PLEKHG1: variants seen among roughly 807,000 people sequenced by gnomAD.
PLEKHG1 encodes pleckstrin homology domain-containing family G member 1.
A neutral mutation model predicts 100.8 loss-of-function variants in PLEKHG1; 44 were observed. That is an observed-to-expected ratio of 0.44 (90% CI 0.34 to 0.56). PLEKHG1 has a LOEUF of 0.56. Ranked by LOEUF, PLEKHG1 falls within the 20% of genes least tolerant of loss-of-function variation. The probability of loss-of-function intolerance (pLI) is 0.01; values close to 1 mark genes in which losing one functional copy is unlikely to be tolerated. For synonymous variants in PLEKHG1, 640 were observed against 662.5 expected (o/e 0.97, Z 0.52); for missense variants, 1,545 against 1,720.9 (o/e 0.90, Z 1.81).
chr6:150,763,024 CTTTTTTTTT>C (rs60462437), intron 2 of PLEKHG1, among the ~76,000 whole-genome samples: 1 of 76,530 alleles, frequency 1.3e-5, no homozygotes, highest in Admixed American at 2.0e-4. Flanking sequence ...GATAAAGCTT[CTTTTTTTTT>C]TTTTTTTTTT....
exon 16 of PLEKHG1, chr6:150,840,905 A>G: frequency 6.3e-7 from 1 of 1,576,310 alleles, no homozygotes. Context: ...AAGGTTCTTC[A>G]TAATAACTGC....
chr6:150,681,992 A>G (rs1170183604), intron 3 of PLEKHG1, among the ~76,000 whole-genome samples: 4 of 152,194 alleles, frequency 2.6e-5, no homozygotes, highest in East Asian at 3.8e-4. Flanking sequence ...TAAAAAGCCT[A>G]TTAACACAAA....
At chr6:150,765,726 A>C (rs1784425171) in intron 2 of PLEKHG1, among the ~76,000 whole-genome samples, 1 of 152,162 alleles carries the variant, frequency 6.6e-6, no homozygotes, top group Admixed American at 6.6e-5. Context: ...CTTTCCATCT[A>C]TCACACACCG....
chr6:150,699,194 C>T (rs9478784), intron 3 of PLEKHG1, among the ~76,000 whole-genome samples: 12,895 of 152,140 alleles, frequency 0.085, 573 homozygotes, highest in South Asian at 0.17. Context: ...GCCCTTTGTA[C>T]GTTTTTGGTT....
At chr6:150,632,650 C>CA (rs1189601635) in intron 1 of PLEKHG1, among the ~76,000 whole-genome samples, 35 of 151,902 alleles carry the variant, frequency 2.3e-4, no homozygotes, top group Admixed American at 1.4e-3. Flanking sequence ...TATTCAGGAG[C>CA]AAAAAACAAA....
At chr6:150,772,859 T>G (rs376846161) in intron 3 of PLEKHG1, among the ~76,000 whole-genome samples, 135 of 152,326 alleles carry the variant, frequency 8.9e-4, no homozygotes, top group Middle Eastern at 3.4e-3. Context: ...CCATTGCCCA[T>G]TCTATTAGGA....
chr6:150,732,968 C>A (rs186223303), intron 1 of PLEKHG1, among the ~76,000 whole-genome samples: 3 of 152,278 alleles, frequency 2.0e-5, no homozygotes, highest in Non-Finnish European at 1.5e-5. Context: ...AAATTATTGT[C>A]TATGTGACAC....
intron 3 of PLEKHG1, among the ~76,000 whole-genome samples, chr6:150,714,164 T>C (rs1781337925): frequency 6.6e-6 from 1 of 152,240 alleles, no homozygotes; most frequent in Non-Finnish European, 1.5e-5. Flanking sequence ...ATTAGTTCAT[T>C]GTGCTGAGCA....
intron 3 of PLEKHG1, among the ~76,000 whole-genome samples, chr6:150,773,979 G>C (rs1419831087): frequency 6.6e-6 from 1 of 151,992 alleles, no homozygotes; most frequent in African/African-American, 2.4e-5. Flanking sequence ...ATTTGGACTA[G>C]AACATTTTCT....
At chr6:150,758,165 G>A (rs974183788) in intron 2 of PLEKHG1, among the ~76,000 whole-genome samples, 10 of 152,206 alleles carry the variant, frequency 6.6e-5, no homozygotes, top group African/African-American at 2.4e-4. Flanking sequence ...CTTTATAATA[G>A]AATGATTTAT....
intron 2 of PLEKHG1, among the ~76,000 whole-genome samples, chr6:150,755,505 C>A (rs1783786695): frequency 6.6e-6 from 1 of 152,184 alleles, no homozygotes; most frequent in Non-Finnish European, 1.5e-5. Context: ...CCTTGCTGCT[C>A]TGGGAAGGAA....
chr6:150,779,985 A>G (rs775846037), intron 3 of PLEKHG1, among the ~76,000 whole-genome samples: 1 of 151,356 alleles, frequency 6.6e-6, no homozygotes, highest in African/African-American at 2.4e-5. Flanking sequence ...AAGAAATAAC[A>G]TGATGGAGTC....
chr6:150,795,906 T>G lies in PLEKHG1; in HGVS notation c.629+4T>G, dbSNP rs200185444. On this transcript the variant is annotated splice_donor_region_variant and intron_variant, in intron 5 of 15. Transcript: ENST00000358517. ...AGTATTGCACTAACTATCCAAGGTA[T>G]GGATCGAGAATGGGCCAAGAGTACT... 112 of 1,579,368 alleles carry G rather than the reference T, an allele frequency of 7.1e-5. No individual in the cohort carries two copies. Among genetic ancestry groups the G allele is most frequent in the Middle Eastern group, 5.0e-4 (3 of 5,998 alleles).
At chr6:150,669,772 A>G (rs1345308059) in intron 3 of PLEKHG1, among the ~76,000 whole-genome samples, 1 of 151,468 alleles carries the variant, frequency 6.6e-6, no homozygotes, top group Non-Finnish European at 1.5e-5. Flanking sequence ...AATTTTTTGT[A>G]TTTTTAGTAG....
At chr6:150,715,935 C>T (rs1414527145) in intron 3 of PLEKHG1, among the ~76,000 whole-genome samples, 2 of 147,638 alleles carry the variant, frequency 1.4e-5, no homozygotes, top group African/African-American at 2.5e-5. Flanking sequence ...GGTGAAACCC[C>T]GTCTCTACTA....
intron 3 of PLEKHG1, among the ~76,000 whole-genome samples, chr6:150,676,776 A>C (rs532618231): frequency 1.8e-4 from 27 of 152,322 alleles, no homozygotes; most frequent in African/African-American, 6.3e-4. Flanking sequence ...ATATCTAAAA[A>C]TGTAGAACTC....
intron 1 of PLEKHG1, among the ~76,000 whole-genome samples, chr6:150,631,769 G>C (rs796651216): frequency 2.6e-4 from 40 of 152,334 alleles, no homozygotes; most frequent in African/African-American, 8.9e-4. Context: ...GGTTCCCAAG[G>C]AGGGGAACAG....
chr6:150,669,920 A>G (rs186791881), intron 3 of PLEKHG1, among the ~76,000 whole-genome samples: 24 of 152,272 alleles, frequency 1.6e-4, no homozygotes, highest in East Asian at 3.9e-4. Context: ...TTAAACTTCA[A>G]TCAGGTCCTT....
intron 3 of PLEKHG1, among the ~76,000 whole-genome samples, chr6:150,670,802 G>A (rs765713111): frequency 3.9e-5 from 6 of 152,070 alleles, no homozygotes; most frequent in Middle Eastern, 3.4e-3. Flanking sequence ...TGTTATATGA[G>A]TAAGTTCTTT....
Sources: gnomAD v4.1 joint callset for allele counts (sites outside exome capture counted in the v4.1 genomes callset) on GRCh38, gnomAD v4.1.1 for gene constraint, MANE v1.5 for transcripts, NCBI Gene and HGNC (gene_info 2026-07-23, HGNC 2026-07-21) for gene names.